The following LINGO2 variants were observed in gnomAD, a reference collection of about 807,000 sequenced individuals.
LINGO2 encodes the protein leucine rich repeat and Ig domain containing 2.
In LINGO2, 14 loss-of-function variants were observed where a neutral mutation model predicts 30.6. The observed-to-expected ratio is 0.46, with a 90% confidence interval of 0.30 to 0.72. The LOEUF (loss-of-function observed/expected upper bound fraction) is 0.72, where lower values mean the gene tolerates loss of function less well. Ranked by LOEUF, LINGO2 falls within the 30% of genes least tolerant of loss-of-function variation. The probability of loss-of-function intolerance (pLI) is 0.07; values close to 1 mark genes in which losing one functional copy is unlikely to be tolerated. For synonymous variants in LINGO2, 317 were observed against 288.5 expected (o/e 1.10, Z -1.00); for missense variants, 729 against 751.7 (o/e 0.97, Z 0.35).
At chr9:29,169,868 C>T in the LINGO2 span, among the ~76,000 whole-genome samples, 1 of 152,112 alleles carries the variant, frequency 6.6e-6, no homozygotes, top group South Asian at 2.1e-4. Context: ...TGTGGTGGCA[C>T]GCGCCTGTAG....
chr9:28,740,984 G>GGCC, the LINGO2 span, among the ~76,000 whole-genome samples: 1 of 151,928 alleles, frequency 6.6e-6, no homozygotes, highest in African/African-American at 2.4e-5. Context: ...GCAGGGGCAT[G>GGCC]GCCAGGTGCT....
At chr9:29,083,646 A>C in the LINGO2 span, among the ~76,000 whole-genome samples, 1 of 144,046 alleles carries the variant, frequency 6.9e-6, no homozygotes, top group Non-Finnish European at 1.5e-5. Context: ...ACAGAAATGA[A>C]AAAAAAAATA....
At chr9:28,262,923 A>G (rs903520835) in intron 4 of LINGO2, among the ~76,000 whole-genome samples, 3 of 152,008 alleles carry the variant, frequency 2.0e-5, no homozygotes, top group African/African-American at 7.2e-5. Flanking sequence ...TGTAACAAGT[A>G]AGTTTGTACT....
intron 1 of LINGO2, among the ~76,000 whole-genome samples, chr9:28,666,005 C>A (rs954422513): frequency 6.6e-6 from 1 of 151,508 alleles, no homozygotes; most frequent in African/African-American, 2.4e-5. Context: ...GATTCTCCTG[C>A]CTCAGCCTCC....
At chr9:27,995,646 G>A (rs1235989704) in intron 5 of LINGO2, among the ~76,000 whole-genome samples, 1 of 152,134 alleles carries the variant, frequency 6.6e-6, no homozygotes, top group African/African-American at 2.4e-5. Context: ...AAAAGCACTT[G>A]ACTAAATTTT....
chr9:28,263,337 C>G (rs556486799), intron 4 of LINGO2, among the ~76,000 whole-genome samples: 1 of 151,974 alleles, frequency 6.6e-6, no homozygotes, highest in South Asian at 2.1e-4. Context: ...ACCCTAATTA[C>G]ACCTGTGCAA....
At chr9:28,486,566 C>T (rs923903984) in intron 1 of LINGO2, among the ~76,000 whole-genome samples, 47 of 152,076 alleles carry the variant, frequency 3.1e-4, no homozygotes, top group African/African-American at 1.1e-3. Context: ...TGTGTGCATG[C>T]ATGTATGTGG....
intron 1 of LINGO2, among the ~76,000 whole-genome samples, chr9:28,655,366 C>G (rs182239934): frequency 4.6e-5 from 7 of 152,156 alleles, no homozygotes; most frequent in African/African-American, 1.4e-4. Flanking sequence ...AAGTAACTAA[C>G]TTGCTTTTGA....
At chr9:29,057,124 C>A in the LINGO2 span, among the ~76,000 whole-genome samples, 7 of 151,224 alleles carry the variant, frequency 4.6e-5, no homozygotes, top group African/African-American at 1.7e-4. Context: ...TTTTCTAGTT[C>A]TGTAAATAAT....
chr9:28,211,584 A>G (rs1290345509), intron 4 of LINGO2, among the ~76,000 whole-genome samples: 1 of 151,456 alleles, frequency 6.6e-6, no homozygotes, highest in African/African-American at 2.4e-5. Flanking sequence ...CAATGGACAG[A>G]GTTATACTTT....
chr9:28,049,661 TAAGGATGAAATGAGACCA>T (rs1824583114), intron 4 of LINGO2, among the ~76,000 whole-genome samples: 1 of 150,670 alleles, frequency 6.6e-6, no homozygotes, highest in Non-Finnish European at 1.5e-5. Context: ...CAAATTGATA[TAAGGATGAAATGAGACCA>T]AATGTGTAAA....
chr9:29,109,419 C>A, the LINGO2 span, among the ~76,000 whole-genome samples: 43 of 142,022 alleles, frequency 3.0e-4, no homozygotes, highest in African/African-American at 1.0e-3. Flanking sequence ...ACTTATAAAT[C>A]TTTTATTTTA....
At chr9:28,683,246 C>T in the LINGO2 span, among the ~76,000 whole-genome samples, 1 of 152,080 alleles carries the variant, frequency 6.6e-6, no homozygotes, top group Admixed American at 6.6e-5. Context: ...AGTCATATAA[C>T]CTTTCTCTTG....
chr9:28,727,785 C>T, the LINGO2 span, among the ~76,000 whole-genome samples: 1 of 152,094 alleles, frequency 6.6e-6, no homozygotes, highest in African/African-American at 2.4e-5. Flanking sequence ...ACATTAGAAG[C>T]ATGGGTTTCC....
chr9:28,306,857 C>G (rs1459307896), intron 3 of LINGO2, among the ~76,000 whole-genome samples: 1 of 152,170 alleles, frequency 6.6e-6, no homozygotes, highest in Admixed American at 6.5e-5. Context: ...TTGACACATA[C>G]ACCTTCCCAA....
At chr9:28,443,826 A>T (rs913797297) in intron 2 of LINGO2, among the ~76,000 whole-genome samples, 1 of 152,126 alleles carries the variant, frequency 6.6e-6, no homozygotes, top group Non-Finnish European at 1.5e-5. Flanking sequence ...ACAGGTTCCT[A>T]GGTGGGAGGG....
At chr9:28,380,304 C>A (rs1367315813) in intron 2 of LINGO2, among the ~76,000 whole-genome samples, 1 of 151,818 alleles carries the variant, frequency 6.6e-6, no homozygotes, top group Non-Finnish European at 1.5e-5. Flanking sequence ...CCACCAATTT[C>A]CATAAGGCCA....
At chr9:28,740,808 C>T in the LINGO2 span, among the ~76,000 whole-genome samples, 1 of 151,860 alleles carries the variant, frequency 6.6e-6, no homozygotes, top group African/African-American at 2.4e-5. Flanking sequence ...TATAATCTAC[C>T]CATTTAGTGA....
At chr9:28,156,938 G>A (rs1828147192) in intron 4 of LINGO2, among the ~76,000 whole-genome samples, 1 of 152,204 alleles carries the variant, frequency 6.6e-6, no homozygotes, top group Admixed American at 6.5e-5. Flanking sequence ...TGGCTTTGTA[G>A]GGTACAAGCT....
Sources: gnomAD v4.1 joint callset for allele counts (sites outside exome capture counted in the v4.1 genomes callset) on GRCh38, gnomAD v4.1.1 for gene constraint, MANE v1.5 for transcripts, NCBI Gene and HGNC (gene_info 2026-07-23, HGNC 2026-07-21) for gene names.